The following TUBGCP3 variants were observed in gnomAD, a reference collection of about 807,000 sequenced individuals.
TUBGCP3 encodes tubulin gamma complex component 3.
Under a neutral mutation model 123.1 loss-of-function variants are expected in TUBGCP3, and 50 were observed. The observed-to-expected ratio is 0.41, with a 90% CI of 0.32 to 0.51. The LOEUF is 0.51. Ranked by LOEUF, TUBGCP3 falls within the 20% of genes least tolerant of loss-of-function variation. The pLI, the probability that TUBGCP3 is intolerant of heterozygous loss-of-function variation, is 0.36. For synonymous variants in TUBGCP3, 405 were observed against 413.9 expected (o/e 0.98, Z 0.26); for missense variants, 882 against 1,127.0 (o/e 0.78, Z 3.11).
the TUBGCP3 span, among the ~76,000 whole-genome samples, chr13:112,595,915 T>G: frequency 6.6e-6 from 1 of 152,224 alleles, no homozygotes; most frequent in Non-Finnish European, 1.5e-5. Context: ...TGAACAATTT[T>G]TTTTAGAATT....
chr13:112,605,014 A>G, the TUBGCP3 span: 2 of 152,200 alleles, frequency 1.3e-5, no homozygotes, highest in African/African-American at 4.8e-5. Flanking sequence ...GCCATTCTAA[A>G]AGCAGCTTGG....
intron 6 of TUBGCP3, among the ~76,000 whole-genome samples, chr13:112,555,432 C>A (rs769211550): frequency 3.3e-5 from 5 of 152,168 alleles, no homozygotes; most frequent in Admixed American, 6.5e-5. Flanking sequence ...CAGCAGATTA[C>A]GAGCCAACAG....
rs1199996509 is a variant in TUBGCP3 at position 112,498,834 on chromosome 13, AT to A, written c.2448+210del. ...CTCATGAATGCTGCTGTTTTTATTT[AT>A]TTTGTGAAACAGGATGATGATGCCA... On this transcript the variant is annotated intron_variant, in intron 20 of 21. Coordinates refer to ENST00000261965, the MANE Select transcript of TUBGCP3 (RefSeq NM_006322.6). 3 of 1,580,750 alleles carry A rather than the reference AT, an allele frequency of 1.9e-6. No individual in the cohort carries two copies. The East Asian group carries it at 6.9e-5, about 36-fold the overall frequency.
chr13:112,580,364 G>A (rs1260344446), intron 1 of TUBGCP3, among the ~76,000 whole-genome samples: 1 of 152,032 alleles, frequency 6.6e-6, no homozygotes, highest in Non-Finnish European at 1.5e-5. Flanking sequence ...AGCCCTGCGT[G>A]GTGGCTCACA....
At chr13:112,533,252 G>A (rs1566556936) in intron 11 of TUBGCP3, among the ~76,000 whole-genome samples, 2 of 152,196 alleles carry the variant, frequency 1.3e-5, no homozygotes, top group East Asian at 1.9e-4. Context: ...GACGCACCGC[G>A]TCACCATTCA....
At chr13:112,588,555 T>C (rs949953231), upstream of TUBGCP3, among the ~76,000 whole-genome samples, 1 of 152,132 alleles carries the variant, frequency 6.6e-6, no homozygotes, top group East Asian at 1.9e-4. Flanking sequence ...TGCTACGCTA[T>C]CCAACAGGCG....
At chr13:112,599,543 G>A in the TUBGCP3 span, among the ~76,000 whole-genome samples, 18 of 152,254 alleles carry the variant, frequency 1.2e-4, no homozygotes, top group African/African-American at 4.3e-4. Flanking sequence ...GTCTCACTCT[G>A]TTGCCCAGGC....
intron 8 of TUBGCP3, among the ~76,000 whole-genome samples, chr13:112,551,606 A>G (rs1290392324): frequency 2.0e-5 from 3 of 152,212 alleles, no homozygotes; most frequent in Non-Finnish European, 4.4e-5. Flanking sequence ...TTTGGAACAG[A>G]GTGACACGTC....
At chr13:112,581,476 C>CA (rs1469118603) in intron 1 of TUBGCP3, among the ~76,000 whole-genome samples, 1 of 151,934 alleles carries the variant, frequency 6.6e-6, no homozygotes, top group Non-Finnish European at 1.5e-5. Flanking sequence ...GACAAGGTCT[C>CA]ACTCTGTCGC....
At chr13:112,552,339 A>C (rs1879655154) in intron 8 of TUBGCP3, among the ~76,000 whole-genome samples, 1 of 152,242 alleles carries the variant, frequency 6.6e-6, no homozygotes, top group Admixed American at 6.5e-5. Flanking sequence ...CAGACATGAT[A>C]AAACACTCCC....
chr13:112,559,490 A>C (rs978426561), intron 3 of TUBGCP3, 91 bp from the exon 4 acceptor site: 4 of 1,049,918 alleles, frequency 3.8e-6, no homozygotes, highest in Admixed American at 6.2e-5. Context: ...TCCAAACTAG[A>C]AATGCATTTT....
intron 3 of TUBGCP3, among the ~76,000 whole-genome samples, chr13:112,563,387 G>C (rs923354142): frequency 6.6e-6 from 1 of 151,958 alleles, no homozygotes; most frequent in Non-Finnish European, 1.5e-5. Context: ...TTTAATCGTT[G>C]GTCTTATACT....
chr13:112,572,553 G>A (rs180989000), intron 1 of TUBGCP3, among the ~76,000 whole-genome samples: 1 of 152,238 alleles, frequency 6.6e-6, no homozygotes, highest in East Asian at 1.9e-4. Context: ...CACTTAAACA[G>A]TAAGAGGTCA....
At chr13:112,548,027 G>A in intron 9 of TUBGCP3, 81 bp downstream of exon 9, 1 of 1,096,414 alleles carries the variant, frequency 9.1e-7, no homozygotes, top group Non-Finnish European at 1.3e-6. Flanking sequence ...AATGTATGAA[G>A]GAACTTAAAA....
intron 11 of TUBGCP3, among the ~76,000 whole-genome samples, chr13:112,543,573 G>A (rs190494695): frequency 6.6e-6 from 1 of 152,162 alleles, no homozygotes; most frequent in African/African-American, 2.4e-5. Flanking sequence ...TCAAACCATA[G>A]AGTCATTTAA....
At chr13:112,500,308 A>G (rs1180214218) in intron 19 of TUBGCP3, among the ~76,000 whole-genome samples, 1 of 152,220 alleles carries the variant, frequency 6.6e-6, no homozygotes, top group Non-Finnish European at 1.5e-5. Context: ...GGGTCCTATC[A>G]GATGTCTTTG....
At chr13:112,579,172 A>ACG (rs985849006) in intron 1 of TUBGCP3, among the ~76,000 whole-genome samples, 41 of 152,284 alleles carry the variant, frequency 2.7e-4, no homozygotes, top group Non-Finnish European at 5.0e-4. Context: ...ACACACACAC[A>ACG]CAAAGATGTT....
At chr13:112,521,393 G>A (rs564056442) in intron 14 of TUBGCP3, among the ~76,000 whole-genome samples, 11 of 152,350 alleles carry the variant, frequency 7.2e-5, no homozygotes, top group African/African-American at 2.4e-4. Context: ...GGATGTAAGA[G>A]CCTGCATGTC....
rs1189540085 is a variant in TUBGCP3, at chr13:112,486,012, C to T, written c.2705G>A (p.Arg902Gln). Residue 902 changes from arginine (R) to glutamine (Q), a missense_variant, in exon 22 of 22, where the codon CGG (arginine) becomes CAG (glutamine). By Grantham distance (43) the Arg-to-Gln change is conservative. Coordinates refer to ENST00000261965, the MANE Select transcript of TUBGCP3 (RefSeq NM_006322.6). ...RLRVSLGTRG[R>Q]RSSHT is the part of the protein sequence containing the mutation. ...CGAGCTTCACGTGTGGGAGCTGCGC[C>T]GCCCCCTGGTACCCAGAGACACACG... 4.4e-6 allele frequency: 7 copies of T among 1,604,976 alleles called. No homozygotes were observed. The highest frequency in any genetic ancestry group is 1.7e-5 in the Admixed American group (1 of 59,738).
Sources: allele counts gnomAD v4.1 joint callset (sites outside exome capture counted in the v4.1 genomes callset), GRCh38; gene constraint gnomAD v4.1.1; transcripts MANE v1.5; gene names NCBI Gene and HGNC (gene_info 2026-07-23, HGNC 2026-07-21).